The following PRKCB variants were observed in gnomAD, a reference collection of about 807,000 sequenced individuals.
PRKCB encodes the protein protein kinase C beta.
A neutral mutation model predicts 81.5 loss-of-function variants in PRKCB; 13 were observed. That is an observed-to-expected ratio of 0.16 (90% CI 0.10 to 0.25). The LOEUF is 0.25. PRKCB is among the 10% of genes least tolerant of loss of function. PRKCB has a pLI of 1.00. For missense variants in PRKCB, 509 were observed against 875.7 expected (o/e 0.58, Z 5.29); for synonymous variants, 335 against 321.4 (o/e 1.04, Z -0.45).
rs117550161 is a variant in PRKCB at position 24,106,470 on chromosome 16, T to A, written c.822-6503T>A. Among the ~76,000 whole-genome samples, 348 of 152,256 alleles carry A rather than the reference T, an allele frequency of 2.3e-3. 2 individuals carry two copies. The East Asian group carries it at 0.039, about 17-fold the overall frequency. On this transcript the variant is annotated intron_variant, in intron 7 of 16. Transcript: ENST00000643927. Reference sequence around the variant, plus strand: ...AGAGAGAGTGAAGCAAAAAATGAAATCTTACTGTGCATACTATTTGGTACC... The same window carrying A: ...AGAGAGAGTGAAGCAAAAAATGAAAACTTACTGTGCATACTATTTGGTACC...
intron 3 of PRKCB, among the ~76,000 whole-genome samples, chr16:24,018,892 TCAGA>T (rs1463721881): frequency 1.4e-4 from 22 of 152,222 alleles, no homozygotes; most frequent in Non-Finnish European, 1.6e-4. Context: ...CTTTTCATGC[TCAGA>T]CAATCTCCGT....
chr16:24,091,355 GATAGTTA>G (rs2141899726), intron 5 of PRKCB, among the ~76,000 whole-genome samples: 1 of 152,324 alleles, frequency 6.6e-6, no homozygotes, highest in South Asian at 2.1e-4. Flanking sequence ...CCTTTTAGCA[GATAGTTA>G]GAGTCGATTT....
chr16:24,027,779 AT>A (rs944679576), intron 3 of PRKCB, among the ~76,000 whole-genome samples: 1 of 151,936 alleles, frequency 6.6e-6, no homozygotes, highest in African/African-American at 2.4e-5. Flanking sequence ...ACTTTAAACA[AT>A]TTTTTTTGAG....
In PRKCB at chr16:24,052,173, A is replaced by G. The variant is rs71379837; in HGVS notation, c.529+16626A>G. Among the ~76,000 whole-genome samples, 571 of 152,272 alleles carry G rather than the reference A, an allele frequency of 3.7e-3. 2 individuals are homozygous for G. Among genetic ancestry groups the G allele is most frequent in the Non-Finnish European group, 5.7e-3 (388 of 68,008 alleles). The stretch of plus-strand genomic sequence containing the variant: ...GGCATAGTTAAAAATGCCAATGTGC[A>G]TTGGAGAGCTGAGGATGAAAAGCAA... On this transcript the variant is annotated intron_variant, in intron 5 of 16. Coordinates refer to ENST00000643927, the MANE Select transcript of PRKCB (RefSeq NM_002738.7).
At chr16:24,057,139 G>A (rs2141874482) in intron 5 of PRKCB, among the ~76,000 whole-genome samples, 1 of 152,296 alleles carries the variant, frequency 6.6e-6, no homozygotes, top group East Asian at 1.9e-4. Flanking sequence ...TTATATAGTT[G>A]CAGATCTTTA....
intron 10 of PRKCB, among the ~76,000 whole-genome samples, chr16:24,164,369 T>A (rs948762997): frequency 1.3e-5 from 2 of 152,188 alleles, no homozygotes; most frequent in African/African-American, 4.8e-5. Flanking sequence ...GACAGACATT[T>A]AGTTTTATTT....
intron 2 of PRKCB, among the ~76,000 whole-genome samples, chr16:23,891,346 T>A (rs1048206478): frequency 2.6e-5 from 4 of 152,140 alleles, no homozygotes; most frequent in Non-Finnish European, 5.9e-5. Context: ...AGACACTGCA[T>A]CCAGTCTATG....
chr16:24,014,629 T>C (rs536350173), intron 3 of PRKCB, among the ~76,000 whole-genome samples: 2 of 152,322 alleles, frequency 1.3e-5, no homozygotes, highest in South Asian at 2.1e-4. Context: ...AGCATCATCA[T>C]TGTGATTTCA....
chr16:24,080,469 A>C (rs1437835228), intron 5 of PRKCB, among the ~76,000 whole-genome samples: 1 of 152,056 alleles, frequency 6.6e-6, no homozygotes, highest in East Asian at 1.9e-4. Flanking sequence ...ATAGTTCAAC[A>C]CTCACTAAGA....
intron 2 of PRKCB, among the ~76,000 whole-genome samples, chr16:23,866,900 C>T (rs1053929837): frequency 2.6e-5 from 4 of 151,818 alleles, no homozygotes. Flanking sequence ...TTTTAATGAT[C>T]CTTTCCTGTC....
intron 2 of PRKCB, among the ~76,000 whole-genome samples, chr16:23,982,067 T>TCTTTCCCTTCC: frequency 1.1e-4 from 1 of 9,356 alleles, no homozygotes; most frequent in African/African-American, 6.8e-4. Context: ...CTTCCCCTTC[T>TCTTTCCCTTCC]CTTTCCCTTC....
At chr16:24,171,143 T>C (rs1967434311) in intron 10 of PRKCB, among the ~76,000 whole-genome samples, 1 of 152,228 alleles carries the variant, frequency 6.6e-6, no homozygotes, top group Non-Finnish European at 1.5e-5. Context: ...AATTTGGGAA[T>C]GCTTTACCTA....
At chr16:23,981,825 CCCCTT>C (rs1194199631) in intron 2 of PRKCB, among the ~76,000 whole-genome samples, 2 of 9,770 alleles carry the variant, frequency 2.0e-4, no homozygotes, top group Non-Finnish European at 3.7e-4. Flanking sequence ...CCTTCCCCTT[CCCCTT>C]CCCTTCCCTT....
intron 16 of PRKCB, among the ~76,000 whole-genome samples, chr16:24,207,163 C>T (rs150473039): frequency 2.5e-4 from 38 of 152,328 alleles, no homozygotes; most frequent in Admixed American, 2.4e-3. Flanking sequence ...CTCCTAGCCT[C>T]AAGCGATCCT....
At chr16:23,957,705 C>G (rs1964368534) in intron 2 of PRKCB, among the ~76,000 whole-genome samples, 1 of 152,068 alleles carries the variant, frequency 6.6e-6, no homozygotes, top group South Asian at 2.1e-4. Flanking sequence ...CAAAGACACC[C>G]CTTTGTACTC....
chr16:24,089,789 T>TCTCTCTCACACACACA (rs71381638), intron 5 of PRKCB, among the ~76,000 whole-genome samples: 3 of 149,884 alleles, frequency 2.0e-5, no homozygotes, highest in African/African-American at 7.4e-5. Context: ...TCTCTCTCTC[T>TCTCTCTCACACACACA]CACACACACA....
chr16:23,852,413 A>G (rs1962489053), intron 2 of PRKCB, among the ~76,000 whole-genome samples: 1 of 152,152 alleles, frequency 6.6e-6, no homozygotes. Flanking sequence ...CATGGGTATC[A>G]CATTTATTGA....
At chr16:23,885,963 A>G (rs886710753) in intron 2 of PRKCB, among the ~76,000 whole-genome samples, 2 of 152,228 alleles carry the variant, frequency 1.3e-5, no homozygotes, top group African/African-American at 4.8e-5. Flanking sequence ...ATTAACAACA[A>G]CAAACTTTCA....
At chr16:23,876,831 C>T (rs1427640974) in intron 2 of PRKCB, among the ~76,000 whole-genome samples, 3 of 152,180 alleles carry the variant, frequency 2.0e-5, no homozygotes, top group Non-Finnish European at 2.9e-5. Context: ...AAGTGGTTAA[C>T]ACTGGAATTT....
Sources: allele counts gnomAD v4.1 joint callset (sites outside exome capture counted in the v4.1 genomes callset), GRCh38; gene constraint gnomAD v4.1.1; transcripts MANE v1.5; gene names NCBI Gene and HGNC (gene_info 2026-07-23, HGNC 2026-07-21).